ADAMTS5: variants seen among roughly 807,000 people sequenced by gnomAD.
ADAMTS5 encodes ADAM metallopeptidase with thrombospondin type 1 motif 5.
In ADAMTS5, 54 loss-of-function variants were observed where a neutral mutation model predicts 81.4. The ratio of observed to expected loss-of-function variants is 0.66; its 90% CI spans 0.53 to 0.83. The LOEUF (loss-of-function observed/expected upper bound fraction) is 0.83. ADAMTS5 is among the 40% of genes least tolerant of loss of function. The probability of loss-of-function intolerance (pLI) is 0.00; values close to 1 mark genes in which losing one functional copy is unlikely to be tolerated. For synonymous variants in ADAMTS5, 532 were observed against 508.8 expected, an observed-to-expected ratio of 1.05 and a Z score of -0.61; for missense variants, 1,194 against 1,229.9, an observed-to-expected ratio of 0.97 and a Z score of 0.44.
In ADAMTS5 at chr21:26,966,515, G is replaced by A. The variant is rs1987679358; in HGVS notation, c.-124C>T. On this transcript the variant is annotated 5_prime_UTR_variant, in exon 1 of 8. Transcript: ENST00000284987. ...ACTTGCTTGCAGGATTGAGTCAAGT[G>A]TCGGAGGGAGGGGGGCCCGGCAGCA... is the stretch of plus-strand genomic sequence containing the variant. 5.7e-6 allele frequency: 6 copies of A among 1,050,028 alleles called. No homozygotes were observed. Among genetic ancestry groups the A allele is most frequent in the Non-Finnish European group, 7.6e-6 (6 of 792,730 alleles). The allele number at this position is 1,050,028 out of a possible 1,614,324, so 65.0% of individuals were successfully genotyped here.
In ADAMTS5 at chr21:26,934,579, G is replaced by A; in HGVS notation, c.1576C>T (p.Gln526Ter). The change falls in exon 4 of 8, where the codon CAG becomes TAG. Residue 526 changes from glutamine (Q) to a stop codon, truncating the protein, a stop_gained. Coordinates refer to ENST00000284987, the MANE Select transcript of ADAMTS5 (RefSeq NM_007038.5). LOFTEE classifies it high-confidence loss of function. ...AGCTTCTTGGTCAGACAGACCATCT[G>A]GCCCTGGCGTACCACAGCACACCAC... ...RLWCAVVRQG[Q>*]MVCLTKKLPA... is the part of the protein sequence containing the mutation. 1 of 1,614,180 alleles carries A rather than the reference G, an allele frequency of 6.2e-7. No homozygotes were observed. The highest frequency in any genetic ancestry group is 2.2e-5 in the East Asian group (1 of 44,866).
chr21:26,930,192 AGCC>A, intron 6 of ADAMTS5, 131 bp from the exon 7 acceptor site: 4 of 863,700 alleles, frequency 4.6e-6, no homozygotes, highest in Non-Finnish European at 5.1e-6. Context: ...AAAAAAAAAA[AGCC>A]AAAAAAACAT....
At chr21:26,954,942 T>C in intron 1 of ADAMTS5, 71 bp from the exon 2 acceptor site, 7 of 1,571,588 alleles carry the variant, frequency 4.5e-6, no homozygotes, top group Non-Finnish European at 5.2e-6. Flanking sequence ...TAGAGCCACT[T>C]GCTTACCCCA....
intron 3 of ADAMTS5, among the ~76,000 whole-genome samples, chr21:26,941,316 A>G (rs1260840376): frequency 1.3e-5 from 2 of 152,102 alleles, no homozygotes; most frequent in Admixed American, 1.3e-4. Flanking sequence ...GCAAATGAAC[A>G]AGATCTATTT....
rs1032768269 is a variant in ADAMTS5 at position 26,918,323 on chromosome 21, T to C, written c.*5730A>G. On this transcript the variant is annotated 3_prime_UTR_variant, in exon 8 of 8. Coordinates refer to ENST00000284987, the MANE Select transcript of ADAMTS5 (RefSeq NM_007038.5). Reference sequence around the variant, plus strand: ...TATGTAAATCTTCAATGATTTTCTCTACCATCAAAGCAAGTTTCAAGGTTT... The same window carrying C: ...TATGTAAATCTTCAATGATTTTCTCCACCATCAAAGCAAGTTTCAAGGTTT... 6.6e-6 allele frequency: 1 copy of C among 152,484 alleles called. No individual in the cohort carries two copies. The highest frequency in any genetic ancestry group is 1.5e-5 in the Non-Finnish European group (1 of 67,926). 9.4% of individuals were successfully genotyped at this position (152,484 alleles called of 1,614,324 possible).
chr21:26,926,691 G>T (rs1337295796), intron 7 of ADAMTS5, among the ~76,000 whole-genome samples: 1 of 149,760 alleles, frequency 6.7e-6, no homozygotes. Context: ...AAAAAAGCCA[G>T]GCTCTTGACT....
chr21:26,934,411 G>C lies in ADAMTS5; in HGVS notation c.1689+55C>G, dbSNP rs550501062. ...AGAACAGTGCCCATACCCATCACAA[G>C]AATGCACTTCACTTCTTGGGCCTCC... On this transcript the variant is annotated intron_variant, in intron 4 of 7. Transcript: ENST00000284987. The C allele has an allele frequency of 2.5e-6, 4 of 1,599,238 alleles. No individual in the cohort carries two copies. In the African/African-American group the frequency reaches 4.0e-5, roughly 16 times the overall value.
chr21:26,948,599 G>T (rs1234965957), intron 2 of ADAMTS5, among the ~76,000 whole-genome samples: 1 of 152,134 alleles, frequency 6.6e-6, no homozygotes, highest in Non-Finnish European at 1.5e-5. Context: ...ATTGGATCAT[G>T]CATGCTTATT....
intron 6 of ADAMTS5, among the ~76,000 whole-genome samples, chr21:26,931,634 A>G (rs1469911863): frequency 6.6e-6 from 1 of 152,202 alleles, no homozygotes; most frequent in African/African-American, 2.4e-5. Flanking sequence ...AAATCATAGA[A>G]AAATAGAAAA....
chr21:26,958,818 G>T (rs919118545), intron 1 of ADAMTS5, among the ~76,000 whole-genome samples: 2 of 152,232 alleles, frequency 1.3e-5, no homozygotes, highest in African/African-American at 2.4e-5. Context: ...AGATTGTTCA[G>T]GGAGAACAGA....
At chr21:26,931,472 C>T (rs374772273) in intron 6 of ADAMTS5, among the ~76,000 whole-genome samples, 9 of 152,254 alleles carry the variant, frequency 5.9e-5, no homozygotes, top group Admixed American at 1.3e-4. Context: ...ATGTTCCATA[C>T]ACAAATATTA....
chr21:26,943,617 G>T lies in ADAMTS5; in HGVS notation c.1238-70C>A, dbSNP rs1461816497. On this transcript the variant is annotated intron_variant, in intron 2 of 7. Coordinates refer to ENST00000284987, the MANE Select transcript of ADAMTS5 (RefSeq NM_007038.5). The stretch of plus-strand genomic sequence containing the variant: ...ATTTCTATCTTTCCATGACAATTAT[G>T]CTAGGGCTTGATTTTTTTCCCCTAA... 4 of 1,432,434 alleles carry T rather than the reference G, an allele frequency of 2.8e-6. No homozygotes were observed. In the African/African-American group the frequency reaches 5.8e-5, roughly 21 times the overall value. The allele number at this position is 1,432,434 out of a possible 1,614,324, so 88.7% of individuals were successfully genotyped here.
chr21:26,936,533 G>A (rs1688757764), intron 3 of ADAMTS5, among the ~76,000 whole-genome samples: 1 of 151,894 alleles, frequency 6.6e-6, no homozygotes, highest in South Asian at 2.1e-4. Context: ...AAATTTTTAA[G>A]GACTACATTC....
At position 26,965,445 on chromosome 21, in the gene ADAMTS5, A is replaced by G; in HGVS notation, c.947T>C (p.Val316Ala). ...SIENHIRLAV[V>A]KVVVLGDKDK... ...CTTGTCGCCTAGCACCACCACCTTC[A>G]CCACGGCCAGGCGGATGTGGTTCTC... Residue 316 changes from valine to alanine, a missense_variant, in exon 1 of 8, where the codon GTG (valine) becomes GCG (alanine). By Grantham distance (64) the Val-to-Ala change is moderately conservative. Coordinates refer to ENST00000284987, the MANE Select transcript of ADAMTS5 (RefSeq NM_007038.5). 1 of 1,614,100 alleles carries G rather than the reference A, an allele frequency of 6.2e-7. No individual in the cohort carries two copies. The highest frequency in any genetic ancestry group is 8.5e-7 in the Non-Finnish European group (1 of 1,180,014).
rs1258575471 is a variant in ADAMTS5, at chr21:26,932,942, C to T, written c.1792G>A (p.Ala598Thr). ...CAGTAGCGTCCGTTGTTTCTGGGAG[C>T]AGGGTTATTACAGTGACGATAGGCA... Reference protein sequence around the residue: ...QFAYRHCNNPAPRNNGRYCTG... With the variant: ...QFAYRHCNNPTPRNNGRYCTG... The change falls in exon 5 of 8, where the codon GCT becomes ACT. Residue 598 changes from alanine to threonine, a missense_variant. By Grantham distance (58) the Ala-to-Thr change is moderately conservative. Coordinates refer to ENST00000284987, the MANE Select transcript of ADAMTS5 (RefSeq NM_007038.5). 1 of 1,614,060 alleles carries T rather than the reference C, an allele frequency of 6.2e-7. No homozygotes were observed. Among genetic ancestry groups the T allele is most frequent in the Non-Finnish European group, 8.5e-7 (1 of 1,180,002 alleles).
chr21:26,959,850 G>T (rs142209848), intron 1 of ADAMTS5, among the ~76,000 whole-genome samples: 1 of 151,886 alleles, frequency 6.6e-6, no homozygotes, highest in Non-Finnish European at 1.5e-5. Flanking sequence ...ATTATAACCC[G>T]AGACTTCTAA....
intron 3 of ADAMTS5, 129 bp from the exon 4 acceptor site, chr21:26,934,878 C>G: frequency 2.4e-6 from 3 of 1,262,066 alleles, no homozygotes; most frequent in Non-Finnish European, 3.2e-6. Flanking sequence ...TAGTGTAATG[C>G]TCTGGAGAGG....
At position 26,965,629 on chromosome 21, in the gene ADAMTS5, A is replaced by G. The variant is rs537346652; in HGVS notation, c.763T>C (p.Trp255Arg). Residue 255 changes from tryptophan (W) to arginine (R), a missense_variant, in exon 1 of 8, where the codon TGG becomes CGG. Trp to Arg is a moderately radical substitution (Grantham distance 101). This residue lies in a region of ADAMTS5 where 498 missense variants were observed against 412.3 expected (regional missense o/e 1.21). Coordinates refer to ENST00000284987, the MANE Select transcript of ADAMTS5 (RefSeq NM_007038.5). ...ATGGAGCGGCGCCGCCGCCGCCACC[A>G]CGTCTGCGGTCCTGAGCCCCCAGCG... is the stretch of plus-strand genomic sequence containing the variant. ...SPAGGSGPQTWWRRRRRSISR... is the reference protein window; with the variant it reads ...SPAGGSGPQTRWRRRRRSISR... The G allele has an allele frequency of 1.0e-5, 16 of 1,597,140 alleles. No individual in the cohort carries two copies. In the South Asian group the frequency reaches 1.6e-4, roughly 16 times the overall value.
At chr21:26,946,001 C>T (rs1172324227) in intron 2 of ADAMTS5, among the ~76,000 whole-genome samples, 1 of 152,164 alleles carries the variant, frequency 6.6e-6, no homozygotes, top group Non-Finnish European at 1.5e-5. Flanking sequence ...ATGAAGAAAG[C>T]CTGTCAGCTC....
Sources: allele counts gnomAD v4.1 joint callset (sites outside exome capture counted in the v4.1 genomes callset), GRCh38; gene constraint gnomAD v4.1.1; regional missense constraint gnomAD v4.1.1; transcripts MANE v1.5; gene names NCBI Gene and HGNC (gene_info 2026-07-23, HGNC 2026-07-21).